Variants in XPO4 observed in about 807,000 individuals in gnomAD.
XPO4 encodes exportin 4, also known as exportin-4.
In XPO4, 39 loss-of-function variants were observed where a neutral mutation model predicts 143.0. The observed-to-expected ratio is 0.27, with a 90% CI of 0.21 to 0.36. The LOEUF is 0.36. Ranked by LOEUF, XPO4 falls within the 10% of genes least tolerant of loss-of-function variation. XPO4 has a pLI of 1.00. For missense variants in XPO4, 907 were observed against 1,348.0 expected, an observed-to-expected ratio of 0.67 and a Z score of 5.12; for synonymous variants, 439 against 474.0, an observed-to-expected ratio of 0.93 and a Z score of 0.96.
rs1292516723 is a variant in XPO4, at chr13:20,787,073, A to C, written c.3166-16T>G. 1.3e-6 allele frequency: 2 copies of C among 1,552,346 alleles called. No individual in the cohort carries two copies. Among genetic ancestry groups the C allele is most frequent in the Non-Finnish European group, 1.7e-6 (2 of 1,146,606 alleles). ...CAAAAACCAGCTGAAATTACATAAGACTTCTAAATAAAAACATAGGATGAT... is the reference window on the plus strand; with the variant it reads ...CAAAAACCAGCTGAAATTACATAAGCCTTCTAAATAAAAACATAGGATGAT... On this transcript the variant is annotated splice_polypyrimidine_tract_variant and intron_variant, in intron 21 of 22. Transcript: ENST00000255305.
chr13:20,792,233 G>GCC (rs1027362242), intron 18 of XPO4, among the ~76,000 whole-genome samples: 4 of 152,180 alleles, frequency 2.6e-5, no homozygotes, highest in Admixed American at 6.5e-5. Flanking sequence ...ATCCCCTGAG[G>GCC]CCAGGAGTTC....
intron 6 of XPO4, among the ~76,000 whole-genome samples, chr13:20,829,848 AG>A (rs540204906): frequency 1.1e-3 from 170 of 152,346 alleles, no homozygotes; most frequent in African/African-American, 3.9e-3. Flanking sequence ...AAGAAAATAC[AG>A]GAAGAAATCT....
intron 6 of XPO4, among the ~76,000 whole-genome samples, chr13:20,828,519 C>T (rs1480727397): frequency 6.6e-6 from 1 of 151,950 alleles, no homozygotes; most frequent in African/African-American, 2.4e-5. Context: ...TTGCTTAACC[C>T]CTTTTAAAAT....
At chr13:20,889,960 C>T (rs758315060) in intron 1 of XPO4, among the ~76,000 whole-genome samples, 2 of 152,184 alleles carry the variant, frequency 1.3e-5, no homozygotes, top group Admixed American at 1.3e-4. Context: ...CTTCTCTTCA[C>T]CAATATTGTG....
chr13:20,854,431 A>G (rs530053375), intron 4 of XPO4, among the ~76,000 whole-genome samples: 1 of 152,356 alleles, frequency 6.6e-6, no homozygotes, highest in South Asian at 2.1e-4. Context: ...CAAAGCATCA[A>G]CTACATCGTT....
chr13:20,902,006 T>A (rs1370821882), intron 1 of XPO4: 2 of 864,244 alleles, frequency 2.3e-6, no homozygotes, highest in African/African-American at 3.6e-5. Flanking sequence ...CTTATTGTAG[T>A]GTAAGCATGA....
At chr13:20,893,838 A>G (rs1595171243) in intron 1 of XPO4, among the ~76,000 whole-genome samples, 1 of 151,678 alleles carries the variant, frequency 6.6e-6, no homozygotes, top group South Asian at 2.1e-4. Context: ...AGGAAACTGC[A>G]GTTTTTTGTT....
At chr13:20,893,849 T>C (rs567843133) in intron 1 of XPO4, among the ~76,000 whole-genome samples, 2 of 152,280 alleles carry the variant, frequency 1.3e-5, no homozygotes, top group Non-Finnish European at 2.9e-5. Context: ...GTTTTTTGTT[T>C]TGTTTTGTTT....
chr13:20,865,188 G>A (rs2060234674), intron 2 of XPO4, among the ~76,000 whole-genome samples: 1 of 149,444 alleles, frequency 6.7e-6, no homozygotes, highest in Non-Finnish European at 1.5e-5. Flanking sequence ...ACTGAGACTA[G>A]AATGCAATGG....
chr13:20,873,929 T>C (rs1285859854), intron 1 of XPO4, among the ~76,000 whole-genome samples: 1 of 152,214 alleles, frequency 6.6e-6, no homozygotes, highest in Admixed American at 6.5e-5. Context: ...TTTACATGCA[T>C]TATCTCATTT....
intron 1 of XPO4, among the ~76,000 whole-genome samples, chr13:20,871,267 G>A (rs988266003): frequency 3.9e-5 from 6 of 152,096 alleles, no homozygotes; most frequent in Non-Finnish European, 8.8e-5. Flanking sequence ...TGCAACCTCC[G>A]CCTCGGCCTC....
intron 3 of XPO4, among the ~76,000 whole-genome samples, chr13:20,861,456 C>G (rs760807058): frequency 1.3e-5 from 2 of 151,670 alleles, no homozygotes; most frequent in African/African-American, 4.8e-5. Context: ...CTACCACGCC[C>G]GACTAATTTT....
chr13:20,855,586 T>C (rs2060136080), intron 4 of XPO4, 41 bp downstream of exon 4: 1 of 1,445,898 alleles, frequency 6.9e-7, no homozygotes, highest in Non-Finnish European at 9.1e-7. Context: ...TAACAGAAAA[T>C]ATAAATTGTT....
At chr13:20,894,991 A>G (rs1425399898) in intron 1 of XPO4, among the ~76,000 whole-genome samples, 2 of 152,178 alleles carry the variant, frequency 1.3e-5, no homozygotes, top group African/African-American at 4.8e-5. Context: ...CAGCCTGGTC[A>G]ACATGGTAAA....
At chr13:20,804,933 C>T (rs541681207) in intron 13 of XPO4, among the ~76,000 whole-genome samples, 3 of 147,632 alleles carry the variant, frequency 2.0e-5, no homozygotes, top group Admixed American at 1.4e-4. Flanking sequence ...CATTTACTCT[C>T]GGGTTTTTTT....
chr13:20,823,859 C>A (rs2059751318), intron 7 of XPO4, among the ~76,000 whole-genome samples: 1 of 152,156 alleles, frequency 6.6e-6, no homozygotes, highest in Non-Finnish European at 1.5e-5. Flanking sequence ...GCCATGTTGG[C>A]CAGGCTGGTC....
rs1412915530 is a variant in XPO4, at chr13:20,843,830, A to C, written c.513T>G (p.Ser171Arg). Residue 171 changes from serine (S) to arginine (R), a missense_variant, in exon 5 of 23, where the codon AGT becomes AGG. Physicochemically the swap from Ser to Arg is moderately radical, Grantham distance 110. Transcript: ENST00000255305. ...TALLSEFSSSSKTSNIGLSME... is the reference protein window; with the variant it reads ...TALLSEFSSSRKTSNIGLSME... ...TGCTCAATCCAATGTTGCTAGTTTT[A>C]CTTGAACTTGAAAATTCACTCAATA... is the stretch of plus-strand genomic sequence containing the variant. 1 of 1,613,490 alleles carries C rather than the reference A, an allele frequency of 6.2e-7. No individual in the cohort carries two copies. Among genetic ancestry groups the C allele is most frequent in the Non-Finnish European group, 8.5e-7 (1 of 1,179,814 alleles).
chr13:20,845,259 G>A (rs747152412), intron 4 of XPO4, among the ~76,000 whole-genome samples: 3 of 152,302 alleles, frequency 2.0e-5, no homozygotes, highest in African/African-American at 7.2e-5. Context: ...TAATATTTAT[G>A]AAAGGCACAA....
chr13:20,780,955 G>A lies in XPO4; in HGVS notation c.*2767C>T, dbSNP rs2059135091. The A allele has an allele frequency of 1.3e-5, 2 of 152,148 alleles. No homozygotes were observed. Among genetic ancestry groups the A allele is most frequent in the Admixed American group, 1.3e-4 (2 of 15,276 alleles). 9.4% of individuals were successfully genotyped at this position (152,148 alleles called of 1,614,324 possible). On this transcript the variant is annotated 3_prime_UTR_variant, in exon 23 of 23. Coordinates refer to ENST00000255305, the MANE Select transcript of XPO4 (RefSeq NM_022459.5). ...AAAGTACAAAGTCTTTAGTGATTGTGCCTTGGGAAATAAATGGGTCAAGGA... is the reference window on the plus strand; with the variant it reads ...AAAGTACAAAGTCTTTAGTGATTGTACCTTGGGAAATAAATGGGTCAAGGA...
Sources: allele counts gnomAD v4.1 joint callset (sites outside exome capture counted in the v4.1 genomes callset), GRCh38; gene constraint gnomAD v4.1.1; transcripts MANE v1.5; gene names NCBI Gene and HGNC (gene_info 2026-07-23, HGNC 2026-07-21).